ATP10B: variants seen among roughly 807,000 people sequenced by gnomAD.
The protein encoded by ATP10B is ATPase phospholipid transporting 10B (putative), also known as phospholipid-transporting ATPase VB.
Under a neutral mutation model 141.2 loss-of-function variants are expected in ATP10B, and 122 were observed. The observed-to-expected ratio is 0.86, with a 90% CI of 0.75 to 1.00. The LOEUF is 1.00. Among genes scored for constraint, ATP10B ranks in the 50% least tolerant of loss-of-function variants. The pLI is 0.00. For missense variants in ATP10B, 1,876 were observed against 1,825.3 expected (o/e 1.03, Z -0.51); for synonymous variants, 685 against 692.0 (o/e 0.99, Z 0.16).
chr5:160,887,724 CTG>C, the ATP10B span, among the ~76,000 whole-genome samples: 5 of 152,190 alleles, frequency 3.3e-5, no homozygotes, highest in Non-Finnish European at 7.3e-5. Context: ...CTTTCAGTCA[CTG>C]TCCCTGCTGT....
At chr5:160,629,956 A>C (rs1005829934) in intron 13 of ATP10B, among the ~76,000 whole-genome samples, 2 of 152,248 alleles carry the variant, frequency 1.3e-5, no homozygotes, top group African/African-American at 2.4e-5. Context: ...TGAAAGAGAC[A>C]TAGAAGGAGG....
At chr5:160,644,578 A>C (rs939295702) in intron 8 of ATP10B, among the ~76,000 whole-genome samples, 2 of 152,178 alleles carry the variant, frequency 1.3e-5, no homozygotes, top group African/African-American at 2.4e-5. Flanking sequence ...GGTTGCAGCA[A>C]AGAAGTCAGC....
chr5:160,649,864 T>C (rs1760580981), intron 7 of ATP10B, among the ~76,000 whole-genome samples: 1 of 152,088 alleles, frequency 6.6e-6, no homozygotes, highest in South Asian at 2.1e-4. Context: ...ACACCTGTAA[T>C]CCCAGCACTT....
the ATP10B span, among the ~76,000 whole-genome samples, chr5:160,873,940 C>T: frequency 5.8e-4 from 89 of 152,352 alleles, 1 homozygote; most frequent in Non-Finnish European, 4.9e-4. Flanking sequence ...AACTGCAAGG[C>T]GGCAGCCAGG....
At chr5:160,887,172 A>AG in the ATP10B span, among the ~76,000 whole-genome samples, 2 of 152,222 alleles carry the variant, frequency 1.3e-5, no homozygotes, top group East Asian at 3.8e-4. Flanking sequence ...GATTGGTCCT[A>AG]GGACCTCCTT....
intron 6 of ATP10B, among the ~76,000 whole-genome samples, chr5:160,682,103 G>A (rs945770401): frequency 6.6e-6 from 1 of 152,160 alleles, no homozygotes; most frequent in Non-Finnish European, 1.5e-5. Context: ...GGTCCCTGTA[G>A]CCAATTATTT....
At chr5:160,908,223 G>T in the ATP10B span, among the ~76,000 whole-genome samples, 2 of 152,090 alleles carry the variant, frequency 1.3e-5, no homozygotes, top group Non-Finnish European at 2.9e-5. Flanking sequence ...AAACAAAAAA[G>T]AAATGACCCT....
At chr5:160,786,277 T>A (rs1771139490) in intron 1 of ATP10B, among the ~76,000 whole-genome samples, 1 of 152,154 alleles carries the variant, frequency 6.6e-6, no homozygotes, top group South Asian at 2.1e-4. Flanking sequence ...AAATCAAGAC[T>A]GCAGTTTTGA....
chr5:160,927,728 G>A, the ATP10B span, among the ~76,000 whole-genome samples: 1 of 152,170 alleles, frequency 6.6e-6, no homozygotes, highest in Non-Finnish European at 1.5e-5. Context: ...GTGTCTAGGA[G>A]GTAGAAGAAA....
chr5:160,835,658 T>C (rs772378173), intron 1 of ATP10B, among the ~76,000 whole-genome samples: 31 of 152,160 alleles, frequency 2.0e-4, no homozygotes, highest in Non-Finnish European at 4.1e-4. Flanking sequence ...TTCCTTTTCC[T>C]GATTTCAAAA....
chr5:160,830,495 C>A (rs1348471237), intron 1 of ATP10B, among the ~76,000 whole-genome samples: 1 of 152,006 alleles, frequency 6.6e-6, no homozygotes, highest in Non-Finnish European at 1.5e-5. Flanking sequence ...TTTTTTTGAG[C>A]CTTAAAAACC....
chr5:160,589,024 T>G (rs1180557320), intron 24 of ATP10B, among the ~76,000 whole-genome samples: 1 of 152,142 alleles, frequency 6.6e-6, no homozygotes, highest in Non-Finnish European at 1.5e-5. Flanking sequence ...TTGTTTTTTG[T>G]TTTTTGAGAT....
intron 7 of ATP10B, among the ~76,000 whole-genome samples, chr5:160,668,877 A>C (rs1023570369): frequency 3.3e-5 from 5 of 152,212 alleles, no homozygotes; most frequent in Non-Finnish European, 7.3e-5. Flanking sequence ...TCACACAAAA[A>C]GGGTTTTATG....
chr5:160,823,040 TAAAG>T (rs1490801502), intron 1 of ATP10B, among the ~76,000 whole-genome samples: 1 of 88,036 alleles, frequency 1.1e-5, no homozygotes, highest in African/African-American at 3.8e-5. Flanking sequence ...ATATATAAAA[TAAAG>T]AGTGTAATTG....
intron 9 of ATP10B, 57 bp from the exon 10 acceptor site, chr5:160,640,649 C>T (rs1759777923): frequency 1.3e-6 from 2 of 1,588,144 alleles, no homozygotes; most frequent in South Asian, 2.3e-5. Context: ...ATGTCTTACA[C>T]CATTCCCTCA....
the ATP10B span, among the ~76,000 whole-genome samples, chr5:160,904,726 T>G: frequency 6.6e-6 from 1 of 152,228 alleles, no homozygotes. Context: ...ATGACAGCTA[T>G]TATAATCATA....
At chr5:160,917,272 T>TTC in the ATP10B span, among the ~76,000 whole-genome samples, 3 of 137,398 alleles carry the variant, frequency 2.2e-5, no homozygotes, top group African/African-American at 7.9e-5. Flanking sequence ...GGTACTTCTT[T>TTC]TTTTTTTTTT....
intron 1 of ATP10B, among the ~76,000 whole-genome samples, chr5:160,828,546 G>T (rs1774810102): frequency 6.6e-6 from 1 of 151,756 alleles, no homozygotes; most frequent in African/African-American, 2.4e-5. Context: ...TCATTAAAAA[G>T]TCAGGAAACA....
At chr5:160,900,811 T>C in the ATP10B span, among the ~76,000 whole-genome samples, 4 of 151,066 alleles carry the variant, frequency 2.6e-5, no homozygotes, top group East Asian at 5.9e-4. Context: ...TTATTTGTGG[T>C]TTAAAAATAT....
Sources: gnomAD v4.1 joint callset for allele counts (sites outside exome capture counted in the v4.1 genomes callset) on GRCh38, gnomAD v4.1.1 for gene constraint, MANE v1.5 for transcripts, NCBI Gene and HGNC (gene_info 2026-07-23, HGNC 2026-07-21) for gene names.